The following SMG5 variants were observed in gnomAD, a reference collection of about 807,000 sequenced individuals.
SMG5 encodes the protein nonsense-mediated mRNA decay factor SMG5.
Under a neutral mutation model 122.9 loss-of-function variants are expected in SMG5, and 53 were observed. The ratio of observed to expected loss-of-function variants is 0.43; its 90% CI spans 0.35 to 0.54. The LOEUF is 0.54. Among genes scored for constraint, SMG5 ranks in the 20% least tolerant of loss-of-function variants. The probability of loss-of-function intolerance (pLI) is 0.01; values close to 1 mark genes in which losing one functional copy is unlikely to be tolerated. For missense variants in SMG5, 1,153 were observed against 1,285.6 expected, an observed-to-expected ratio of 0.90 and a Z score of 1.58; for synonymous variants, 477 against 490.2, an observed-to-expected ratio of 0.97 and a Z score of 0.35.
At chr1:156,263,773 T>C (rs748884288) in intron 12 of SMG5, among the ~76,000 whole-genome samples, 16 of 152,210 alleles carry the variant, frequency 1.1e-4, no homozygotes, top group African/African-American at 2.4e-5. Flanking sequence ...TTTAATCTCA[T>C]CAAATTCATT....
intron 7 of SMG5, among the ~76,000 whole-genome samples, chr1:156,269,438 C>A (rs1662301630): frequency 6.6e-6 from 1 of 152,150 alleles, no homozygotes; most frequent in Admixed American, 6.6e-5. Flanking sequence ...AACAAACAAA[C>A]ACACACAGCC....
intron 1 of SMG5, among the ~76,000 whole-genome samples, chr1:156,280,766 T>C (rs1353112311): frequency 2.0e-5 from 3 of 152,212 alleles, no homozygotes; most frequent in Non-Finnish European, 2.9e-5. Flanking sequence ...TTTTTCTCAT[T>C]TTCCATCAGA....
At chr1:156,291,298 C>T in the SMG5 span, 5 of 1,255,168 alleles carry the variant, frequency 4.0e-6, no homozygotes, top group Non-Finnish European at 5.8e-6. Context: ...TCTGCCTCCC[C>T]TATCTACTCC....
chr1:156,278,955 T>G lies in SMG5; in HGVS notation c.154A>C (p.Asn52His). The G allele has an allele frequency of 6.2e-7, 1 of 1,614,116 alleles. No homozygotes were observed. Among genetic ancestry groups the G allele is most frequent in the Non-Finnish European group, 8.5e-7 (1 of 1,179,986 alleles). The change falls in exon 2 of 22, where the codon AAC (asparagine) becomes CAC (histidine). Residue 52 changes from asparagine to histidine, a missense_variant. Coordinates refer to ENST00000361813, the MANE Select transcript of SMG5 (RefSeq NM_015327.3). The part of the protein sequence containing the change: ...TAYQEVFKPE[N>H]ISLRNKLREL... ...GCTTACTTGTTCCTCAGGCTAATGT[T>G]TTCTGGTTTGAATACTTCTTGATAA...
chr1:156,276,149 CAG>C (rs1256495342), intron 4 of SMG5, among the ~76,000 whole-genome samples: 3 of 133,932 alleles, frequency 2.2e-5, no homozygotes, highest in African/African-American at 8.5e-5. Context: ...TTTTTTGAGA[CAG>C]AGTCTCACTC....
intron 16 of SMG5, among the ~76,000 whole-genome samples, chr1:156,254,024 C>T (rs1344996031): frequency 1.3e-5 from 2 of 152,226 alleles, no homozygotes; most frequent in Non-Finnish European, 2.9e-5. Context: ...GTTCCCTAGC[C>T]TAGTAAATAA....
chr1:156,259,536 T>C (rs1024939278), intron 15 of SMG5, among the ~76,000 whole-genome samples: 2 of 152,138 alleles, frequency 1.3e-5, no homozygotes, highest in African/African-American at 4.8e-5. Context: ...TTTTCCAATG[T>C]ATTATTTTTT....
At chr1:156,251,283 C>A in intron 20 of SMG5, 120 bp downstream of exon 20, 1 of 1,212,614 alleles carries the variant, frequency 8.2e-7, no homozygotes, top group Non-Finnish European at 1.2e-6. Context: ...TGCAGGAGGG[C>A]CCTGGCAGGC....
In SMG5 at chr1:156,267,485, T is replaced by G. The variant is rs368925602; in HGVS notation, c.1102A>C (p.Ser368Arg). The change falls in exon 10 of 22, where the codon AGC becomes CGC. Residue 368 changes from serine (S) to arginine (R), a missense_variant. By Grantham distance (110) the Ser-to-Arg change is moderately radical. Transcript: ENST00000361813. ...GGAAGGTTACCTGCTCTCTCCAAGC[T>G]GTGCACACACATAAGGCAGATGATG... Reference protein sequence around the residue: ...MVIICLMCVHSLERAGSKQYS... With the variant: ...MVIICLMCVHRLERAGSKQYS... 1.2e-6 allele frequency: 2 copies of G among 1,614,006 alleles called. No individual in the cohort carries two copies. Among genetic ancestry groups the G allele is most frequent in the African/African-American group, 1.3e-5 (1 of 74,922 alleles).
Position 156,278,051 on chromosome 1 carries a change from G to A in SMG5, c.174-3C>T. 1 of 1,613,840 alleles carries A rather than the reference G, an allele frequency of 6.2e-7. No individual in the cohort carries two copies. Among genetic ancestry groups the A allele is most frequent in the Non-Finnish European group, 8.5e-7 (1 of 1,179,850 alleles). Reference sequence around the variant, plus strand: ...GCTTGACGCAGAGCTCACGCAGCCTGGAGGGTGTAGAGGAGCATGAGAGAG... The same window carrying A: ...GCTTGACGCAGAGCTCACGCAGCCTAGAGGGTGTAGAGGAGCATGAGAGAG... On this transcript the variant is annotated splice_region_variant and splice_polypyrimidine_tract_variant and intron_variant, in intron 2 of 21. Coordinates refer to ENST00000361813, the MANE Select transcript of SMG5 (RefSeq NM_015327.3).
chr1:156,277,322 C>T, intron 3 of SMG5, 81 bp from the exon 4 acceptor site: 1 of 1,472,344 alleles, frequency 6.8e-7, no homozygotes, highest in Non-Finnish European at 9.2e-7. Context: ...GTTCATCTCA[C>T]TTGGCTCTGG....
At chr1:156,283,491 A>G (rs1663059898), upstream of SMG5, among the ~76,000 whole-genome samples, 2 of 152,060 alleles carry the variant, frequency 1.3e-5, no homozygotes, top group Non-Finnish European at 2.9e-5. Context: ...AAGGACTCAT[A>G]GAAATGAGAA....
At chr1:156,285,117 T>C (rs1210541074), upstream of SMG5, 8 of 1,391,488 alleles carry the variant, frequency 5.7e-6, no homozygotes, top group East Asian at 1.7e-4. Context: ...GAGTATGAGT[T>C]CTGTCAACCT....
At position 156,266,403 on chromosome 1, in the gene SMG5, T is replaced by G. The variant is rs755148176; in HGVS notation, c.1256-23A>C. 5 of 1,605,298 alleles carry G rather than the reference T, an allele frequency of 3.1e-6. No homozygotes were observed. In the East Asian group the frequency reaches 1.1e-4, roughly 36 times the overall value. On this transcript the variant is annotated intron_variant, in intron 11 of 21. Coordinates refer to ENST00000361813, the MANE Select transcript of SMG5 (RefSeq NM_015327.3). Reference sequence around the variant, plus strand: ...CATCTGCGGAAAGAGGAAGGTCAGGTGGAGCCCGAGGAACAGGTGGAGCCT... The same window carrying G: ...CATCTGCGGAAAGAGGAAGGTCAGGGGGAGCCCGAGGAACAGGTGGAGCCT...
intron 7 of SMG5, 144 bp downstream of exon 7, chr1:156,272,176 T>A: frequency 1.4e-6 from 1 of 706,408 alleles, no homozygotes; most frequent in Non-Finnish European, 2.4e-6. Flanking sequence ...TGTGTCAGAG[T>A]CCCCCTGAAT....
At position 156,253,032 on chromosome 1, in the gene SMG5, T is replaced by C. The variant is rs749583559; in HGVS notation, c.2549A>G (p.Gln850Arg). The change falls in exon 18 of 22, where the codon CAG becomes CGG. Residue 850 changes from glutamine to arginine, a missense_variant. Gln to Arg is a conservative substitution (Grantham distance 43). Transcript: ENST00000361813. Reference sequence around the variant, plus strand: ...GACGAGGTAGGGAGACATGGCTGACTGGGCCTTGGGCTGCTGCAGGCTGCC... The same window carrying C: ...GACGAGGTAGGGAGACATGGCTGACCGGGCCTTGGGCTGCTGCAGGCTGCC... ...LEGSLQQPKAQSAMSPYLVPD... is the reference protein window; with the variant it reads ...LEGSLQQPKARSAMSPYLVPD... The C allele has an allele frequency of 6.2e-7, 1 of 1,612,442 alleles. No individual in the cohort carries two copies. Among genetic ancestry groups the C allele is most frequent in the Non-Finnish European group, 8.5e-7 (1 of 1,179,388 alleles).
At chr1:156,258,883 C>T in intron 16 of SMG5, 122 bp downstream of exon 16, 1 of 1,236,294 alleles carries the variant, frequency 8.1e-7, no homozygotes. Context: ...CCCCTCCCCT[C>T]TCCCTAGGCA....
chr1:156,268,973 CTT>C (rs59194923), intron 7 of SMG5, among the ~76,000 whole-genome samples: 51 of 143,992 alleles, frequency 3.5e-4, no homozygotes, highest in Non-Finnish European at 3.8e-4. Context: ...CAATCCAACT[CTT>C]TTTTTTTTTT....
At chr1:156,263,704 T>G (rs1221417174) in intron 12 of SMG5, 134 bp from the exon 13 acceptor site, 19 of 929,634 alleles carry the variant, frequency 2.0e-5, no homozygotes, top group Non-Finnish European at 2.8e-5. Context: ...ATGAAAAATC[T>G]GGGGAACCAC....
Sources: gnomAD v4.1 joint callset for allele counts (sites outside exome capture counted in the v4.1 genomes callset) on GRCh38, gnomAD v4.1.1 for gene constraint, MANE v1.5 for transcripts, NCBI Gene and HGNC (gene_info 2026-07-23, HGNC 2026-07-21) for gene names.